The following MTMR10 variants were observed in gnomAD, a reference collection of about 807,000 sequenced individuals.
MTMR10 encodes the protein myotubularin related protein 10, also known as myotubularin-related protein 10.
In MTMR10, 56 loss-of-function variants were observed where a neutral mutation model predicts 88.1. The observed-to-expected ratio is 0.64, with a 90% CI of 0.51 to 0.79. MTMR10 has a LOEUF of 0.79. Ranked by LOEUF, MTMR10 falls within the 30% of genes least tolerant of loss-of-function variation. The pLI, the probability that MTMR10 is intolerant of heterozygous loss-of-function variation, is 0.00. For missense variants in MTMR10, 883 were observed against 924.7 expected (o/e 0.95, Z 0.58); for synonymous variants, 380 against 340.9 (o/e 1.11, Z -1.26).
Position 30,974,416 on chromosome 15 carries a change from G to A in MTMR10, c.372C>T (p.Asn124=), listed in dbSNP as rs2029955953. The stretch of plus-strand genomic sequence containing the variant: ...CTGTTGGATTAAATTTCAGTTTCTG[G>A]TTGGGGCCTAGGACTTTCTGCTTCC... ...HKRKQKVLGP[N]QKLKFNPTEL... Residue 124 remains asparagine, a synonymous_variant, in exon 5 of 16, where the codon AAC becomes AAT. Coordinates refer to ENST00000435680, the MANE Select transcript of MTMR10 (RefSeq NM_017762.3). The A allele has an allele frequency of 1.2e-6, 2 of 1,600,382 alleles. No individual in the cohort carries two copies. Among genetic ancestry groups the A allele is most frequent in the African/African-American group, 1.3e-5 (1 of 74,542 alleles).
At chr15:30,978,435 T>G (rs1026392582) in intron 2 of MTMR10, among the ~76,000 whole-genome samples, 4 of 152,146 alleles carry the variant, frequency 2.6e-5, no homozygotes, top group Admixed American at 2.6e-4. Context: ...CTGTCCACCA[T>G]GAGTTGGGCA....
the MTMR10 span, chr15:30,928,032 A>C: frequency 2.0e-6 from 2 of 990,478 alleles, no homozygotes. Context: ...GCAGTGTAGT[A>C]CCCAGGGGGA....
chr15:30,919,570 A>T, the MTMR10 span, among the ~76,000 whole-genome samples: 3 of 151,340 alleles, frequency 2.0e-5, no homozygotes, highest in African/African-American at 7.3e-5. Context: ...GAGTGTCTGT[A>T]ATCCCAGCCT....
chr15:30,974,491 CG>C lies in MTMR10; in HGVS notation c.332-36del, dbSNP rs762279246. ...AAAAAAAAATAGAGAAAATAAAATG[CG>C]TAACAGTTATTTGTTACTCACCCTT... On this transcript the variant is annotated intron_variant, in intron 4 of 15. Transcript: ENST00000435680. 21 of 1,465,138 alleles carry C rather than the reference CG, an allele frequency of 1.4e-5. No homozygotes were observed. The African/African-American group carries it at 2.6e-4, about 18-fold the overall frequency. The allele number at this position is 1,465,138 out of a possible 1,614,324, so 90.8% of individuals were successfully genotyped here. A position where few individuals can be genotyped will look rare whatever the true frequency, so the allele number is the denominator to read the frequency against.
At chr15:30,929,401 A>G in the MTMR10 span, 2 of 1,591,362 alleles carry the variant, frequency 1.3e-6, no homozygotes, top group African/African-American at 1.4e-5. Context: ...AGCTCAGGTA[A>G]TGGTTCACCT....
At position 30,940,079 on chromosome 15, in the gene MTMR10, GCTAA is replaced by G; in HGVS notation, c.*1387_*1390del. 1.0e-6 allele frequency: 1 copy of G among 983,260 alleles called. No individual in the cohort carries two copies. Among genetic ancestry groups the G allele is most frequent in the Non-Finnish European group, 1.2e-6 (1 of 827,952 alleles). 60.9% of individuals were successfully genotyped at this position (983,260 alleles called of 1,614,324 possible). On this transcript the variant is annotated 3_prime_UTR_variant, in exon 16 of 16. Coordinates refer to ENST00000435680, the MANE Select transcript of MTMR10 (RefSeq NM_017762.3). ...ACACTTGTTTTAGAAAAGGAAATAA[GCTAA>G]CTAGACACTTTACTATAAAAATTTT...
chr15:30,959,465 C>T (rs2063372001), intron 7 of MTMR10, among the ~76,000 whole-genome samples: 1 of 152,166 alleles, frequency 6.6e-6, no homozygotes, highest in African/African-American at 2.4e-5. Context: ...ACCAGGCAAA[C>T]AAAAGAAAAC....
intron 2 of MTMR10, 24 bp from the exon 3 acceptor site, chr15:30,976,979 TA>T (rs1172782977): frequency 1.2e-6 from 2 of 1,605,956 alleles, no homozygotes; most frequent in African/African-American, 2.7e-5. Context: ...AAAATATTTG[TA>T]AGGTACTTTG....
the MTMR10 span, chr15:30,928,596 C>A: frequency 2.5e-6 from 4 of 1,612,490 alleles, no homozygotes; most frequent in African/African-American, 5.4e-5. Flanking sequence ...TGTATGGCCT[C>A]CTCCTGTGGG....
At chr15:30,950,955 GAAT>G (rs2063236362) in intron 12 of MTMR10, among the ~76,000 whole-genome samples, 1 of 152,212 alleles carries the variant, frequency 6.6e-6, no homozygotes, top group South Asian at 2.1e-4. Flanking sequence ...ACTGTTTAGA[GAAT>G]AATGACAACA....
the MTMR10 span, among the ~76,000 whole-genome samples, chr15:30,929,769 ATATAATATAT>A: frequency 3.1e-3 from 106 of 34,480 alleles, 5 homozygotes; most frequent in East Asian, 0.14. Flanking sequence ...TATATAAAAT[ATATAATATAT>A]TATATCATAT....
downstream of MTMR10, among the ~76,000 whole-genome samples, chr15:30,935,084 T>TTGCTTGGGCTCAGGAGTTGGAGACC (rs2140966621): frequency 6.6e-6 from 1 of 152,170 alleles, no homozygotes; most frequent in African/African-American, 2.4e-5. Context: ...GGTGGGCGGA[T>TTGCTTGGGCTCAGGAGTTGGAGACC]TGCTTGGGCT....
chr15:30,981,013 T>C (rs958879136), intron 2 of MTMR10, among the ~76,000 whole-genome samples: 3 of 152,164 alleles, frequency 2.0e-5, no homozygotes, highest in Non-Finnish European at 4.4e-5. Context: ...AAAATCATGA[T>C]TAGAACATTA....
intron 2 of MTMR10, among the ~76,000 whole-genome samples, chr15:30,989,065 G>C (rs2031139712): frequency 6.6e-6 from 1 of 151,790 alleles, no homozygotes; most frequent in Non-Finnish European, 1.5e-5. Flanking sequence ...CTAAGACCAT[G>C]TTGTTTCTGA....
intron 3 of MTMR10, among the ~76,000 whole-genome samples, chr15:30,976,223 A>T (rs2141051894): frequency 6.6e-6 from 1 of 152,166 alleles, no homozygotes; most frequent in Admixed American, 6.5e-5. Context: ...CATCATAACA[A>T]AACCCCATCT....
chr15:30,945,849 C>T (rs534347063), intron 14 of MTMR10, among the ~76,000 whole-genome samples: 44 of 152,288 alleles, frequency 2.9e-4, no homozygotes, highest in African/African-American at 1.0e-3. Context: ...AGTGCAGTGG[C>T]ACAGTCTCAG....
chr15:30,976,960 A>T lies in MTMR10; in HGVS notation c.122-5T>A, dbSNP rs749454500. 2 of 1,610,202 alleles carry T rather than the reference A, an allele frequency of 1.2e-6. No individual in the cohort carries two copies. Among genetic ancestry groups the T allele is most frequent in the South Asian group, 2.2e-5 (2 of 90,608 alleles). ...CTTCATTTACGACAATTTCTCCTTT[A>T]AAAAAAGAAAAATATTTGTAAGGTA... On this transcript the variant is annotated splice_polypyrimidine_tract_variant and splice_region_variant and intron_variant, in intron 2 of 15. Coordinates refer to ENST00000435680, the MANE Select transcript of MTMR10 (RefSeq NM_017762.3).
chr15:30,923,137 C>T, the MTMR10 span, among the ~76,000 whole-genome samples: 2 of 152,170 alleles, frequency 1.3e-5, no homozygotes, highest in East Asian at 1.9e-4. Flanking sequence ...TGGAAAAAAA[C>T]GACCACTGGT....
chr15:30,925,323 T>C, the MTMR10 span: 2 of 1,594,456 alleles, frequency 1.3e-6, no homozygotes, highest in Non-Finnish European at 1.7e-6. Flanking sequence ...GCTTTGGACT[T>C]AGGCGCGTGT....
Sources: gnomAD v4.1 joint callset for allele counts (sites outside exome capture counted in the v4.1 genomes callset) on GRCh38, gnomAD v4.1.1 for gene constraint, MANE v1.5 for transcripts, NCBI Gene and HGNC (gene_info 2026-07-23, HGNC 2026-07-21) for gene names.